The following LHFPL3 variants were observed in gnomAD, a reference collection of about 807,000 sequenced individuals.
The protein encoded by LHFPL3 is LHFPL tetraspan subfamily member 3, also known as LHFPL tetraspan subfamily member 3 protein.
LHFPL3 carries 5 observed loss-of-function variants against 19.3 expected under a neutral mutation model. The ratio of observed to expected loss-of-function variants is 0.26; its 90% CI spans 0.14 to 0.54. The LOEUF (loss-of-function observed/expected upper bound fraction) is 0.54, where lower values mean the gene tolerates loss of function less well. Among genes scored for constraint, LHFPL3 ranks in the 20% least tolerant of loss-of-function variants. The pLI is 0.94. For synonymous variants in LHFPL3, 133 were observed against 126.2 expected (o/e 1.05, Z -0.36); for missense variants, 249 against 307.4 (o/e 0.81, Z 1.42).
chr7:104,397,052 A>C (rs866281061), intron 1 of LHFPL3, among the ~76,000 whole-genome samples: 2 of 152,320 alleles, frequency 1.3e-5, no homozygotes, highest in Middle Eastern at 3.4e-3. Context: ...ACATCAAATG[A>C]ATATACCTGG....
intron 1 of LHFPL3, among the ~76,000 whole-genome samples, chr7:104,549,448 A>AAC (rs61148155): frequency 0.034 from 4,744 of 140,240 alleles, 79 homozygotes; most frequent in East Asian, 0.048. Context: ...CCCTTAACCC[A>AAC]ACACACACAC....
intron 2 of LHFPL3, among the ~76,000 whole-genome samples, chr7:104,898,172 G>A (rs1034163910): frequency 3.3e-5 from 5 of 151,552 alleles, no homozygotes; most frequent in Non-Finnish European, 7.4e-5. Context: ...ACCACACCCC[G>A]CTAATTTTTG....
At chr7:104,478,197 T>C (rs180901730) in intron 1 of LHFPL3, among the ~76,000 whole-genome samples, 4 of 152,314 alleles carry the variant, frequency 2.6e-5, no homozygotes, top group Admixed American at 1.3e-4. Context: ...GATATTTTTA[T>C]AGAAACCCTT....
intron 1 of LHFPL3, among the ~76,000 whole-genome samples, chr7:104,358,243 A>G (rs958117843): frequency 1.3e-5 from 2 of 152,220 alleles, no homozygotes; most frequent in African/African-American, 4.8e-5. Context: ...TGGCCGTACA[A>G]TATTGTGAAT....
intron 1 of LHFPL3, among the ~76,000 whole-genome samples, chr7:104,468,950 T>C (rs572659166): frequency 6.6e-6 from 1 of 152,148 alleles, no homozygotes; most frequent in South Asian, 2.1e-4. Flanking sequence ...TGAGCCACAA[T>C]GCACGGCCTT....
At chr7:104,416,596 G>A (rs1425779465) in intron 1 of LHFPL3, among the ~76,000 whole-genome samples, 1 of 152,192 alleles carries the variant, frequency 6.6e-6, no homozygotes, top group Non-Finnish European at 1.5e-5. Flanking sequence ...GGCGTTTTCT[G>A]TTTCTATAGC....
chr7:104,555,302 C>G (rs1411904613), intron 1 of LHFPL3, among the ~76,000 whole-genome samples: 1 of 152,208 alleles, frequency 6.6e-6, no homozygotes, highest in Non-Finnish European at 1.5e-5. Flanking sequence ...CAGAGAGCAT[C>G]TGTATTAGTC....
At chr7:104,364,702 C>G (rs1790452288) in intron 1 of LHFPL3, among the ~76,000 whole-genome samples, 2 of 152,204 alleles carry the variant, frequency 1.3e-5, no homozygotes, top group South Asian at 2.1e-4. Flanking sequence ...AGCAAGAACA[C>G]ATTGTGTAAC....
At position 104,575,505 on chromosome 7, in the gene LHFPL3, TA is replaced by T. The variant is rs200616893; in HGVS notation, c.446-161169del. The stretch of plus-strand genomic sequence containing the variant: ...TTTATATATTATTGGCAAATAGGCC[TA>T]TTTTTAATATATGAGAAATGAGTGA... On this transcript the variant is annotated intron_variant, in intron 1 of 2. Coordinates refer to ENST00000424859, the MANE Select transcript of LHFPL3 (RefSeq NM_199000.3). Among the ~76,000 whole-genome samples, 557 of 143,712 alleles carry T rather than the reference TA, an allele frequency of 3.9e-3. 12 individuals are homozygous for T. The highest frequency in any genetic ancestry group is 0.037 in the Admixed American group (518 of 14,006). 94.3% of individuals were successfully genotyped at this position (143,712 alleles called of 152,430 possible).
chr7:104,670,155 T>TA (rs1491170313), intron 1 of LHFPL3, among the ~76,000 whole-genome samples: 5 of 149,368 alleles, frequency 3.3e-5, no homozygotes, highest in African/African-American at 1.2e-4. Context: ...TTTTTTTTTT[T>TA]ACCCCCAAGG....
intron 1 of LHFPL3, among the ~76,000 whole-genome samples, chr7:104,670,453 C>A (rs60976531): frequency 0.034 from 5,248 of 152,164 alleles, 301 homozygotes; most frequent in African/African-American, 0.12. Flanking sequence ...CTATTGAAAC[C>A]TTGAAACTAA....
intron 1 of LHFPL3, among the ~76,000 whole-genome samples, chr7:104,484,782 T>C (rs558304890): frequency 3.3e-5 from 5 of 152,284 alleles, no homozygotes; most frequent in African/African-American, 1.2e-4. Flanking sequence ...CAAGAGAGCA[T>C]GACAGAGAGA....
At chr7:104,435,568 T>A (rs1372127241) in intron 1 of LHFPL3, among the ~76,000 whole-genome samples, 1 of 151,362 alleles carries the variant, frequency 6.6e-6, no homozygotes, top group African/African-American at 2.4e-5. Flanking sequence ...AGATTTTTTT[T>A]TTTTTTACTT....
intron 1 of LHFPL3, among the ~76,000 whole-genome samples, chr7:104,465,771 G>A (rs1328918559): frequency 6.6e-6 from 1 of 152,188 alleles, no homozygotes; most frequent in Non-Finnish European, 1.5e-5. Context: ...TACAATTCAA[G>A]ATGAGATTTG....
chr7:104,632,277 C>G (rs941147661), intron 1 of LHFPL3, among the ~76,000 whole-genome samples: 2 of 152,140 alleles, frequency 1.3e-5, no homozygotes, highest in Non-Finnish European at 2.9e-5. Context: ...ATCCCTGCCT[C>G]CCAGAGACCC....
At chr7:104,410,196 A>G (rs1365752008) in intron 1 of LHFPL3, among the ~76,000 whole-genome samples, 1 of 151,984 alleles carries the variant, frequency 6.6e-6, no homozygotes, top group South Asian at 2.1e-4. Context: ...GCAATGGTGC[A>G]ATCTTGGCTC....
At chr7:104,657,616 A>G (rs1047935967) in intron 1 of LHFPL3, among the ~76,000 whole-genome samples, 5 of 152,216 alleles carry the variant, frequency 3.3e-5, no homozygotes, top group Non-Finnish European at 5.9e-5. Context: ...ACTTTGCCAG[A>G]TATGTGAAGG....
chr7:104,655,231 T>A (rs1255550015), intron 1 of LHFPL3, among the ~76,000 whole-genome samples: 1 of 152,212 alleles, frequency 6.6e-6, no homozygotes, highest in African/African-American at 2.4e-5. Flanking sequence ...CGGTTGTCTG[T>A]TCCTTGGCCA....
intron 1 of LHFPL3, among the ~76,000 whole-genome samples, chr7:104,359,564 A>G (rs187058007): frequency 2.6e-5 from 4 of 152,228 alleles, no homozygotes; most frequent in Admixed American, 1.3e-4. Flanking sequence ...TATCTTGGCC[A>G]TTCTTTGACT....
Sources: allele counts gnomAD v4.1 joint callset (sites outside exome capture counted in the v4.1 genomes callset), GRCh38; gene constraint gnomAD v4.1.1; transcripts MANE v1.5; gene names NCBI Gene and HGNC (gene_info 2026-07-23, HGNC 2026-07-21).